PPM1L: variants seen among roughly 807,000 people sequenced by gnomAD.
The protein encoded by PPM1L is protein phosphatase 1L.
Under a neutral mutation model 31.4 loss-of-function variants are expected in PPM1L, and 13 were observed. The ratio of observed to expected loss-of-function variants is 0.41; its 90% CI spans 0.27 to 0.66. The LOEUF is 0.66. Among genes scored for constraint, PPM1L ranks in the 30% least tolerant of loss-of-function variants. PPM1L has a pLI of 0.29. For missense variants in PPM1L, 326 were observed against 453.7 expected, an observed-to-expected ratio of 0.72 and a Z score of 2.56; for synonymous variants, 184 against 175.4, an observed-to-expected ratio of 1.05 and a Z score of -0.39.
intron 1 of PPM1L, among the ~76,000 whole-genome samples, chr3:160,760,980 C>T (rs1714954635): frequency 6.6e-6 from 1 of 152,132 alleles, no homozygotes; most frequent in African/African-American, 2.4e-5. Context: ...TCTTGAGGCT[C>T]AGCACTTCTC....
At chr3:160,841,594 C>T (rs2108105134) in intron 1 of PPM1L, among the ~76,000 whole-genome samples, 1 of 152,256 alleles carries the variant, frequency 6.6e-6, no homozygotes, top group Middle Eastern at 3.4e-3. Context: ...TTTGAATGGA[C>T]TTTCTTATAA....
intron 1 of PPM1L, among the ~76,000 whole-genome samples, chr3:160,790,859 C>A (rs1712083687): frequency 6.6e-6 from 1 of 152,016 alleles, no homozygotes; most frequent in Admixed American, 6.6e-5. Flanking sequence ...TCATGTTAAT[C>A]TCAAAGTATG....
chr3:160,971,033 G>A (rs1716324276), intron 2 of PPM1L, among the ~76,000 whole-genome samples: 1 of 152,088 alleles, frequency 6.6e-6, no homozygotes, highest in African/African-American at 2.4e-5. Context: ...CATTTAGACT[G>A]TGGATTTTAA....
chr3:161,012,858 G>T (rs576297212), intron 2 of PPM1L, among the ~76,000 whole-genome samples: 31 of 152,244 alleles, frequency 2.0e-4, no homozygotes, highest in South Asian at 6.2e-4. Context: ...GGGATCGGTG[G>T]TGATATCCCC....
chr3:160,906,629 A>AAGAAAAGAAAAGAAAAGAACAGAAC (rs1553820142), intron 1 of PPM1L, among the ~76,000 whole-genome samples: 1 of 141,938 alleles, frequency 7.0e-6, no homozygotes, highest in African/African-American at 2.6e-5. Flanking sequence ...AAGAAAAGAA[A>AAGAAAAGAAAAGAAAAGAACAGAAC]AGAACCCAGG....
At chr3:160,776,265 A>T (rs1711556388) in intron 1 of PPM1L, among the ~76,000 whole-genome samples, 1 of 152,174 alleles carries the variant, frequency 6.6e-6, no homozygotes, top group Non-Finnish European at 1.5e-5. Context: ...AAGTAACAGC[A>T]ACAGCTACTT....
intron 1 of PPM1L, among the ~76,000 whole-genome samples, chr3:160,947,914 G>A (rs1715460033): frequency 6.6e-6 from 1 of 152,132 alleles, no homozygotes; most frequent in African/African-American, 2.4e-5. Context: ...CCCAAAAGCA[G>A]CCATCAATTA....
intron 2 of PPM1L, among the ~76,000 whole-genome samples, chr3:161,009,915 A>G (rs986595219): frequency 3.3e-5 from 5 of 152,188 alleles, no homozygotes; most frequent in African/African-American, 9.7e-5. Context: ...GCATTACAGA[A>G]GATATTCAAA....
At chr3:160,926,284 C>T (rs1228789699) in intron 1 of PPM1L, among the ~76,000 whole-genome samples, 1 of 152,174 alleles carries the variant, frequency 6.6e-6, no homozygotes, top group Non-Finnish European at 1.5e-5. Flanking sequence ...TTGTTCCATG[C>T]ATTTTGATGC....
chr3:160,842,382 A>G (rs368455543), intron 1 of PPM1L: 2 of 691,308 alleles, frequency 2.9e-6, no homozygotes, highest in Non-Finnish European at 5.3e-6. Context: ...GTTGAATTCA[A>G]ATTGGGAGGG....
At chr3:160,888,308 A>G (rs1321473406) in intron 1 of PPM1L, among the ~76,000 whole-genome samples, 2 of 152,222 alleles carry the variant, frequency 1.3e-5, no homozygotes, top group East Asian at 1.9e-4. Context: ...AGAGACACAC[A>G]TAGGCTCAAA....
At chr3:160,825,124 T>G (rs2108093524) in intron 1 of PPM1L, among the ~76,000 whole-genome samples, 1 of 152,110 alleles carries the variant, frequency 6.6e-6, no homozygotes, top group South Asian at 2.1e-4. Flanking sequence ...GCTGGCTTTC[T>G]TTATTCCTGA....
At chr3:161,049,320 T>C (rs1039819553) in intron 2 of PPM1L, among the ~76,000 whole-genome samples, 3 of 151,784 alleles carry the variant, frequency 2.0e-5, no homozygotes, top group African/African-American at 7.3e-5. Flanking sequence ...AAAAAAACCC[T>C]AAAACAAAAA....
At chr3:160,873,504 T>C (rs1289997273) in intron 1 of PPM1L, among the ~76,000 whole-genome samples, 1 of 152,168 alleles carries the variant, frequency 6.6e-6, no homozygotes, top group Non-Finnish European at 1.5e-5. Flanking sequence ...TATTGTGGCA[T>C]GTCCATAGTG....
chr3:160,911,627 GA>G (rs886711367), intron 1 of PPM1L, among the ~76,000 whole-genome samples: 3 of 152,136 alleles, frequency 2.0e-5, no homozygotes, highest in African/African-American at 7.2e-5. Context: ...TATGCAATGA[GA>G]AAAACAAACC....
chr3:160,988,375 T>C (rs58995844), intron 2 of PPM1L, among the ~76,000 whole-genome samples: 52 of 152,242 alleles, frequency 3.4e-4, no homozygotes, highest in Middle Eastern at 3.4e-3. Context: ...CAAAAAACAA[T>C]AGAGCCACTT....
In PPM1L at chr3:161,031,502, C is replaced by CTTTT. The variant is rs760907219; in HGVS notation, c.575-33888_575-33885dup. ...GTGAATGGCAGCTATGTATTCTGTC[C>CTTTT]TTTTTTTTTTTTTTTTGAGAGAGAG... On this transcript the variant is annotated intron_variant, in intron 2 of 3. Coordinates refer to ENST00000498165, the MANE Select transcript of PPM1L (RefSeq NM_139245.4). Among the ~76,000 whole-genome samples the CTTTT allele has an allele frequency of 2.4e-4, 24 of 101,668 alleles. 2 individuals are homozygous for CTTTT. Among genetic ancestry groups the CTTTT allele is most frequent in the African/African-American group, 9.2e-4 (21 of 22,844 alleles). The allele number at this position is 101,668 out of a possible 152,430, so 66.7% of individuals were successfully genotyped here.
chr3:160,977,017 A>G (rs1399035684), intron 2 of PPM1L, among the ~76,000 whole-genome samples: 1 of 152,258 alleles, frequency 6.6e-6, no homozygotes, highest in East Asian at 1.9e-4. Context: ...ATTTAGTGCT[A>G]TAAATTTCCC....
At chr3:160,802,278 G>C (rs1712453135) in intron 1 of PPM1L, among the ~76,000 whole-genome samples, 1 of 152,054 alleles carries the variant, frequency 6.6e-6, no homozygotes, top group Non-Finnish European at 1.5e-5. Flanking sequence ...CCTGGTCAGT[G>C]ATCTGTGACA....
Sources: allele counts gnomAD v4.1 joint callset (sites outside exome capture counted in the v4.1 genomes callset), GRCh38; gene constraint gnomAD v4.1.1; transcripts MANE v1.5; gene names NCBI Gene and HGNC (gene_info 2026-07-23, HGNC 2026-07-21).